DMD: variants seen among roughly 807,000 people sequenced by gnomAD.
The protein encoded by DMD is dystrophin.
Under a neutral mutation model 330.1 loss-of-function variants are expected in DMD, and 63 were observed. The ratio of observed to expected loss-of-function variants is 0.19; its 90% CI spans 0.16 to 0.24. The LOEUF (loss-of-function observed/expected upper bound fraction) is 0.24, where lower values mean the gene tolerates loss of function less well. Among genes scored for constraint, DMD ranks in the 10% least tolerant of loss-of-function variants. The pLI is 1.00. For missense variants in DMD, 3,344 were observed against 2,684.1 expected, an observed-to-expected ratio of 1.25 and a Z score of -5.43; for synonymous variants, 1,223 against 959.8, an observed-to-expected ratio of 1.27 and a Z score of -5.07.
chrX:31,709,854 T>C (rs1186069716), intron 52 of DMD, among the ~76,000 whole-genome samples: 1 of 111,392 alleles, frequency 9.0e-6, no homozygotes, highest in East Asian at 2.8e-4. Flanking sequence ...TACTTTGATA[T>C]CTCTTTAAGT....
intron 1 of DMD, among the ~76,000 whole-genome samples, chrX:33,333,132 A>G (rs984430864): frequency 1.8e-5 from 2 of 111,228 alleles, no homozygotes; most frequent in African/African-American, 6.5e-5. Context: ...TTTCTTGAGT[A>G]GCGAAAGGCA....
At chrX:32,646,532 T>C (rs780490707) in intron 9 of DMD, among the ~76,000 whole-genome samples, 5 of 110,897 alleles carry the variant, frequency 4.5e-5, no homozygotes, top group Non-Finnish European at 9.4e-5. Flanking sequence ...CAAAAAGCAG[T>C]GTAGAACAAC....
intron 2 of DMD, among the ~76,000 whole-genome samples, chrX:32,850,164 A>G (rs1448346316): frequency 9.0e-6 from 1 of 111,602 alleles, no homozygotes; most frequent in Admixed American, 9.5e-5. Flanking sequence ...GTAAATACAC[A>G]AAGAAGCAAA....
At chrX:32,866,742 TGGGGGGGG>T (rs61420337) in intron 2 of DMD, among the ~76,000 whole-genome samples, 744 of 37,312 alleles carry the variant, frequency 0.02, 10 homozygotes, top group East Asian at 0.15. Flanking sequence ...GGTGGGGGGG[TGGGGGGGG>T]GGGGACAGAG....
At chrX:32,254,466 T>C (rs2097290567) in intron 43 of DMD, among the ~76,000 whole-genome samples, 1 of 112,387 alleles carries the variant, frequency 8.9e-6, no homozygotes, top group Non-Finnish European at 1.9e-5. Flanking sequence ...TAGTTATGCT[T>C]ACTGGGTATC....
intron 51 of DMD, among the ~76,000 whole-genome samples, chrX:31,773,231 C>A (rs922958497): frequency 1.8e-5 from 2 of 111,665 alleles, no homozygotes; most frequent in African/African-American, 3.2e-5. Flanking sequence ...TTTTCTTAAT[C>A]ATTCACAAAT....
intron 67 of DMD, among the ~76,000 whole-genome samples, chrX:31,196,434 C>A (rs1191330517): frequency 9.0e-6 from 1 of 111,147 alleles, no homozygotes; most frequent in Non-Finnish European, 1.9e-5. Flanking sequence ...TCTATGGAAC[C>A]AAAGGGCCCA....
intron 60 of DMD, among the ~76,000 whole-genome samples, chrX:31,423,713 A>G (rs1290173078): frequency 9.0e-6 from 1 of 111,255 alleles, no homozygotes; most frequent in African/African-American, 3.3e-5. Context: ...ACAGCGCTGC[A>G]TCTCCCAAGC....
chrX:32,306,979 A>G (rs2097542706), intron 42 of DMD, among the ~76,000 whole-genome samples: 1 of 111,912 alleles, frequency 8.9e-6, no homozygotes, highest in Non-Finnish European at 1.9e-5. Context: ...CTAATTGAAC[A>G]GCTAAGGATT....
intron 1 of DMD, among the ~76,000 whole-genome samples, chrX:33,076,709 C>T (rs2094847240): frequency 8.9e-6 from 1 of 111,836 alleles, no homozygotes; most frequent in African/African-American, 3.2e-5. Flanking sequence ...GGCCATAGGG[C>T]AAAGCAAGAA....
chrX:31,985,484 A>T lies in DMD; in HGVS notation c.6439-16970T>A, dbSNP rs180722622. 3.0e-3 allele frequency among the ~76,000 whole-genome samples: 334 copies of T among 112,661 alleles called. 2 individuals are homozygous for T. The highest frequency in any genetic ancestry group is 0.01 in the African/African-American group (320 of 31,086). ...ATAGCCTTTGGGTAAGTACAGATTA[A>T]CTTGACAGAGGTCTTTCACGCTTAA... On this transcript the variant is annotated intron_variant, in intron 44 of 78. Transcript: ENST00000357033.
At chrX:32,129,762 G>A (rs2096681114) in intron 44 of DMD, among the ~76,000 whole-genome samples, 1 of 103,877 alleles carries the variant, frequency 9.6e-6, no homozygotes, top group Admixed American at 1.1e-4. Context: ...AGAGAAAATT[G>A]GTAATTCTAC....
intron 44 of DMD, among the ~76,000 whole-genome samples, chrX:32,000,103 C>A (rs1166565402): frequency 8.9e-6 from 1 of 112,349 alleles, no homozygotes; most frequent in Non-Finnish European, 1.9e-5. Context: ...ATGGGTGAAA[C>A]CTCTTCAAAT....
intron 44 of DMD, among the ~76,000 whole-genome samples, chrX:32,140,290 T>C (rs2096746277): frequency 8.9e-6 from 1 of 112,378 alleles, no homozygotes. Context: ...ATGGGCTGAA[T>C]TATAACATAT....
chrX:32,911,467 G>A (rs2087232355), intron 2 of DMD, among the ~76,000 whole-genome samples: 1 of 112,072 alleles, frequency 8.9e-6, no homozygotes, highest in Non-Finnish European at 1.9e-5. Context: ...ACGGAAAACT[G>A]AGGTAAATTG....
At chrX:31,558,980 TACC>T (rs2075023048) in intron 55 of DMD, among the ~76,000 whole-genome samples, 1 of 111,754 alleles carries the variant, frequency 8.9e-6, no homozygotes, top group Non-Finnish European at 1.9e-5. Flanking sequence ...GAGACAAAAT[TACC>T]ACATCATTCC....
intron 55 of DMD, among the ~76,000 whole-genome samples, chrX:31,544,819 A>G (rs1021407204): frequency 9.0e-5 from 10 of 111,352 alleles, no homozygotes; most frequent in African/African-American, 3.3e-4. Flanking sequence ...TGTAAGAGTC[A>G]AGTAGATTCT....
At chrX:32,515,999 T>C (rs1262519567) in intron 18 of DMD, among the ~76,000 whole-genome samples, 1 of 110,845 alleles carries the variant, frequency 9.0e-6, no homozygotes, top group Non-Finnish European at 1.9e-5. Context: ...GATAATGGCC[T>C]ATGATATGCT....
At chrX:32,574,290 A>C (rs192924949) in intron 13 of DMD, among the ~76,000 whole-genome samples, 324 of 112,196 alleles carry the variant, frequency 2.9e-3, no homozygotes, top group African/African-American at 1.0e-2. Flanking sequence ...ATTGCCTACC[A>C]TTTGGATTGT....
Sources: allele counts gnomAD v4.1 joint callset (sites outside exome capture counted in the v4.1 genomes callset), GRCh38; gene constraint gnomAD v4.1.1; transcripts MANE v1.5; gene names NCBI Gene and HGNC (gene_info 2026-07-23, HGNC 2026-07-21).